FNDC3B: variants seen among roughly 807,000 people sequenced by gnomAD.
FNDC3B encodes the protein fibronectin type III domain-containing protein 3B.
In FNDC3B, 12 loss-of-function variants were observed where a neutral mutation model predicts 151.5. That is an observed-to-expected ratio of 0.08 (90% CI 0.05 to 0.13). FNDC3B has a LOEUF of 0.13. FNDC3B is among the 10% of genes least tolerant of loss of function. The pLI is 1.00. For missense variants in FNDC3B, 1,214 were observed against 1,505.3 expected (o/e 0.81, Z 3.20); for synonymous variants, 528 against 549.0 (o/e 0.96, Z 0.54).
intron 1 of FNDC3B, among the ~76,000 whole-genome samples, chr3:172,052,407 A>G (rs1241537350): frequency 6.6e-6 from 1 of 152,106 alleles, no homozygotes; most frequent in East Asian, 1.9e-4. Flanking sequence ...AAATTCTAGA[A>G]AGGACATTTT....
chr3:172,131,649 G>T (rs892587436), intron 2 of FNDC3B, among the ~76,000 whole-genome samples: 1 of 152,154 alleles, frequency 6.6e-6, no homozygotes, highest in African/African-American at 2.4e-5. Flanking sequence ...TCCAGGTAAT[G>T]TATTTTCTGA....
intron 3 of FNDC3B, among the ~76,000 whole-genome samples, chr3:172,172,423 T>C (rs1395001703): frequency 6.6e-6 from 1 of 152,222 alleles, no homozygotes; most frequent in African/African-American, 2.4e-5. Flanking sequence ...TTCTGGGTTA[T>C]TTTTAGTGTG....
chr3:172,168,905 G>T (rs756408139), intron 3 of FNDC3B, among the ~76,000 whole-genome samples: 49 of 150,768 alleles, frequency 3.3e-4, no homozygotes, highest in Non-Finnish European at 6.1e-4. Flanking sequence ...TAGAGACGGG[G>T]TTTCACCATG....
At chr3:172,229,026 T>C (rs1161849482) in intron 4 of FNDC3B, among the ~76,000 whole-genome samples, 1 of 151,566 alleles carries the variant, frequency 6.6e-6, no homozygotes, top group Non-Finnish European at 1.5e-5. Context: ...AGTTGTCTTG[T>C]TATCACCAAG....
intron 23 of FNDC3B, among the ~76,000 whole-genome samples, chr3:172,373,648 A>G (rs1734987842): frequency 6.6e-6 from 1 of 152,240 alleles, no homozygotes; most frequent in Non-Finnish European, 1.5e-5. Context: ...CAAGAAAAAA[A>G]TTAACTTAGT....
intron 3 of FNDC3B, among the ~76,000 whole-genome samples, chr3:172,171,800 A>T (rs890867679): frequency 6.6e-6 from 1 of 151,976 alleles, no homozygotes; most frequent in African/African-American, 2.4e-5. Context: ...TGAAAAAAAA[A>T]AAAATCCAAT....
intron 3 of FNDC3B, among the ~76,000 whole-genome samples, chr3:172,226,035 CG>C (rs1393464897): frequency 1.3e-5 from 2 of 152,130 alleles, no homozygotes; most frequent in African/African-American, 4.8e-5. Context: ...AGACCTGGCA[CG>C]GTGGCTCACA....
intron 3 of FNDC3B, among the ~76,000 whole-genome samples, chr3:172,160,676 T>G (rs1169942451): frequency 3.9e-5 from 6 of 152,256 alleles, no homozygotes; most frequent in Non-Finnish European, 7.3e-5. Context: ...ATACGTATTT[T>G]AAAGTATACT....
rs76591019 is a variant in FNDC3B, at chr3:172,199,989, T to G, written c.188-26882T>G. Among the ~76,000 whole-genome samples the G allele has an allele frequency of 1.7e-3, 238 of 138,532 alleles. 1 individual carries two copies. The highest frequency in any genetic ancestry group is 6.1e-3 in the African/African-American group (229 of 37,474). The allele number at this position is 138,532 out of a possible 152,430, so 90.9% of individuals were successfully genotyped here. On this transcript the variant is annotated intron_variant, in intron 3 of 25. Transcript: ENST00000415807. ...ACCATATACTTTACACATTTCTGTTTTACAATACTTTGTATTCATTCATTC... is the reference window on the plus strand; with the variant it reads ...ACCATATACTTTACACATTTCTGTTGTACAATACTTTGTATTCATTCATTC...
Position 172,275,955 on chromosome 3 carries a change from T to C in FNDC3B, c.791-9971T>C, listed in dbSNP as rs541021113. Among the ~76,000 whole-genome samples the C allele has an allele frequency of 1.2e-4, 19 of 152,338 alleles. 1 individual carries two copies. The South Asian group carries it at 3.3e-3, about 27-fold the overall frequency. ...CTATGTTTTTCTGCTTAGTTTACTA[T>C]AGTTTATGTTTGACTTTCTAGATTT... On this transcript the variant is annotated intron_variant, in intron 6 of 25. Coordinates refer to ENST00000415807, the MANE Select transcript of FNDC3B (RefSeq NM_022763.4).
At chr3:172,090,158 T>C (rs1243550012) in intron 1 of FNDC3B, among the ~76,000 whole-genome samples, 6 of 152,226 alleles carry the variant, frequency 3.9e-5, no homozygotes, top group Admixed American at 3.9e-4. Context: ...TCTCTACAAC[T>C]CGTCCAACTT....
chr3:172,358,640 CAAAG>C (rs1003436015), intron 22 of FNDC3B, among the ~76,000 whole-genome samples: 1 of 152,222 alleles, frequency 6.6e-6, no homozygotes, highest in African/African-American at 2.4e-5. Context: ...GTGACACTCT[CAAAG>C]AAGTCATCAG....
chr3:172,135,742 G>A (rs1411025980), intron 3 of FNDC3B, among the ~76,000 whole-genome samples: 1 of 152,150 alleles, frequency 6.6e-6, no homozygotes, highest in Non-Finnish European at 1.5e-5. Context: ...CCAGCAGGCT[G>A]AACCCCAAAT....
intron 22 of FNDC3B, among the ~76,000 whole-genome samples, chr3:172,360,722 CA>C (rs1435720897): frequency 1.3e-5 from 2 of 152,090 alleles, no homozygotes; most frequent in African/African-American, 4.8e-5. Flanking sequence ...GCACCTTTGT[CA>C]AAAGTCAATT....
chr3:172,337,420 GT>G lies in FNDC3B; in HGVS notation c.1852+23del. 6.5e-7 allele frequency: 1 copy of G among 1,543,838 alleles called. No individual in the cohort carries two copies. Among genetic ancestry groups the G allele is most frequent in the Non-Finnish European group, 9.0e-7 (1 of 1,116,282 alleles). Reference sequence around the variant, plus strand: ...TCTGAAGGTGAAGTTTTTGGCAATTGTTTTATTCAAATCCAATAGCAAGCTC... The same window carrying G: ...TCTGAAGGTGAAGTTTTTGGCAATTGTTTATTCAAATCCAATAGCAAGCTC... On this transcript the variant is annotated intron_variant, in intron 16 of 25. Coordinates refer to ENST00000415807, the MANE Select transcript of FNDC3B (RefSeq NM_022763.4).
intron 1 of FNDC3B, among the ~76,000 whole-genome samples, chr3:172,050,531 G>A (rs930466383): frequency 6.6e-6 from 1 of 151,824 alleles, no homozygotes; most frequent in Non-Finnish European, 1.5e-5. Flanking sequence ...TTACAGGCAC[G>A]TGCCACCATG....
intron 22 of FNDC3B, among the ~76,000 whole-genome samples, chr3:172,359,243 A>G (rs1734255894): frequency 6.6e-6 from 1 of 152,152 alleles, no homozygotes; most frequent in Admixed American, 6.5e-5. Context: ...AAATTCTTAT[A>G]AGTGATTTAA....
At chr3:172,223,212 T>C (rs1401369447) in intron 3 of FNDC3B, among the ~76,000 whole-genome samples, 3 of 152,216 alleles carry the variant, frequency 2.0e-5, no homozygotes, top group Non-Finnish European at 4.4e-5. Context: ...AATAAATGTT[T>C]AGGAAGACAA....
In FNDC3B at chr3:172,251,460, G is replaced by A. The variant is rs541419188; in HGVS notation, c.709G>A (p.Gly237Ser). 489 of 1,614,104 alleles carry A rather than the reference G, an allele frequency of 3.0e-4. 3 individuals are homozygous for A. In the South Asian group the frequency reaches 5.0e-3, roughly 16 times the overall value. The change falls in exon 6 of 26, where the codon GGC becomes AGC. Residue 237 changes from glycine (G) to serine (S), a missense_variant. Transcript: ENST00000415807. ...KGHSGGSGGG[G>S]SGSGPGIKKT... ...CCATAGTGGTGGAAGTGGCGGAGGC[G>A]GCAGCGGTAGTGGTCCCGGAATTAA...
Sources: gnomAD v4.1 joint callset for allele counts (sites outside exome capture counted in the v4.1 genomes callset) on GRCh38, gnomAD v4.1.1 for gene constraint, MANE v1.5 for transcripts, NCBI Gene and HGNC (gene_info 2026-07-23, HGNC 2026-07-21) for gene names.